HPSE2: variants seen among roughly 807,000 people sequenced by gnomAD.
The protein encoded by HPSE2 is inactive heparanase-2.
HPSE2 carries 38 observed loss-of-function variants against 60.5 expected under a neutral mutation model. The observed-to-expected ratio is 0.63, with a 90% confidence interval of 0.48 to 0.82. HPSE2 has a LOEUF of 0.82. Among genes scored for constraint, HPSE2 ranks in the 40% least tolerant of loss-of-function variants. HPSE2 has a pLI of 0.00. For missense variants in HPSE2, 713 were observed against 740.4 expected (o/e 0.96, Z 0.43); for synonymous variants, 295 against 293.2 (o/e 1.01, Z -0.06).
rs149407892 is a variant in HPSE2 at position 98,533,729 on chromosome 10, G to A, written c.1321-43533C>T. Among the ~76,000 whole-genome samples, 259 of 152,266 alleles carry A rather than the reference G, an allele frequency of 1.7e-3. 1 individual carries two copies. The highest frequency in any genetic ancestry group is 6.1e-3 in the African/African-American group (252 of 41,542). ...CTCACCCTAAGTAATGGATGGAGTT[G>A]GGAAGCTGTCCGGCAGACTTTGGTA... On this transcript the variant is annotated intron_variant, in intron 9 of 11. Coordinates refer to ENST00000370552, the MANE Select transcript of HPSE2 (RefSeq NM_021828.5).
At chr10:98,847,202 GTCCCC>G (rs922971668) in intron 3 of HPSE2, among the ~76,000 whole-genome samples, 1 of 152,188 alleles carries the variant, frequency 6.6e-6, no homozygotes, top group Admixed American at 6.5e-5. Flanking sequence ...TAGAGTCTAT[GTCCCC>G]TTGCCTTTCC....
chr10:98,509,060 A>G (rs1199369998), intron 9 of HPSE2, among the ~76,000 whole-genome samples: 1 of 152,222 alleles, frequency 6.6e-6, no homozygotes, highest in Non-Finnish European at 1.5e-5. Flanking sequence ...TCATGCCTGT[A>G]ATCCCAGCAC....
At chr10:98,525,212 T>C (rs1255673132) in intron 9 of HPSE2, among the ~76,000 whole-genome samples, 1 of 152,218 alleles carries the variant, frequency 6.6e-6, no homozygotes, top group East Asian at 1.9e-4. Flanking sequence ...GGTTTCACTA[T>C]GTTGCCCAGT....
At chr10:98,526,801 C>T (rs1223077494) in intron 9 of HPSE2, among the ~76,000 whole-genome samples, 1 of 152,116 alleles carries the variant, frequency 6.6e-6, no homozygotes, top group Non-Finnish European at 1.5e-5. Flanking sequence ...AGGACCAGGG[C>T]TCACTGGGGT....
intron 3 of HPSE2, among the ~76,000 whole-genome samples, chr10:98,926,752 T>C (rs186725055): frequency 4.0e-4 from 61 of 152,306 alleles, no homozygotes; most frequent in African/African-American, 1.4e-3. Flanking sequence ...TTAAAAGTTG[T>C]GATACATCTT....
In HPSE2 at chr10:98,943,791, G is replaced by C. The variant is rs549920834; in HGVS notation, c.611-199735C>G. On this transcript the variant is annotated intron_variant, in intron 3 of 11. Coordinates refer to ENST00000370552, the MANE Select transcript of HPSE2 (RefSeq NM_021828.5). ...GAGGACTGTTAAAAACCATGGGAAT[G>C]ATTTTCTAAATGTATCCTCCCCAAA... is the stretch of plus-strand genomic sequence containing the variant. 8.5e-4 allele frequency among the ~76,000 whole-genome samples: 130 copies of C among 152,218 alleles called. 2 individuals carry two copies. Among genetic ancestry groups the C allele is most frequent in the African/African-American group, 3.0e-3 (123 of 41,520 alleles).
intron 3 of HPSE2, among the ~76,000 whole-genome samples, chr10:99,043,703 C>T (rs931902663): frequency 6.6e-6 from 1 of 152,100 alleles, no homozygotes; most frequent in African/African-American, 2.4e-5. Flanking sequence ...GAAAAATTCA[C>T]TACAAGAATT....
At chr10:99,002,426 G>A (rs188546468) in intron 3 of HPSE2, among the ~76,000 whole-genome samples, 2 of 152,068 alleles carry the variant, frequency 1.3e-5, no homozygotes, top group Non-Finnish European at 2.9e-5. Context: ...AAACACTACC[G>A]CAGCCAGGTG....
chr10:98,907,004 T>C (rs1953841206), intron 3 of HPSE2, among the ~76,000 whole-genome samples: 1 of 152,210 alleles, frequency 6.6e-6, no homozygotes, highest in Non-Finnish European at 1.5e-5. Context: ...TTACTCTATG[T>C]TGGGAACTAG....
chr10:98,925,502 G>A (rs1429456733), intron 3 of HPSE2, among the ~76,000 whole-genome samples: 1 of 152,094 alleles, frequency 6.6e-6, no homozygotes, highest in Non-Finnish European at 1.5e-5. Context: ...TGCTGAGCAG[G>A]TGGGTAAGTT....
intron 11 of HPSE2, among the ~76,000 whole-genome samples, chr10:98,477,926 T>C (rs1330620776): frequency 6.6e-6 from 1 of 151,766 alleles, no homozygotes; most frequent in Non-Finnish European, 1.5e-5. Flanking sequence ...GGGATCTAGG[T>C]TGCACACTCC....
chr10:98,913,344 T>C (rs1360023425), intron 3 of HPSE2, among the ~76,000 whole-genome samples: 1 of 152,168 alleles, frequency 6.6e-6, no homozygotes, highest in African/African-American at 2.4e-5. Context: ...ATTGTACATA[T>C]TGAAAGTCAA....
chr10:99,016,569 T>G (rs572769120), intron 3 of HPSE2, among the ~76,000 whole-genome samples: 1 of 152,182 alleles, frequency 6.6e-6, no homozygotes, highest in Non-Finnish European at 1.5e-5. Context: ...CTGTGAACAA[T>G]GTCAATGGTA....
intron 3 of HPSE2, among the ~76,000 whole-genome samples, chr10:99,113,192 T>G (rs555046358): frequency 6.6e-6 from 1 of 152,208 alleles, no homozygotes; most frequent in Non-Finnish European, 1.5e-5. Context: ...AAGCATTCAA[T>G]AATATTAGCT....
At chr10:98,809,180 C>G (rs1951109183) in intron 3 of HPSE2, among the ~76,000 whole-genome samples, 1 of 152,020 alleles carries the variant, frequency 6.6e-6, no homozygotes, top group African/African-American at 2.4e-5. Context: ...TTGCATTTGT[C>G]TAGCAGAATT....
chr10:98,573,318 T>C (rs1012017861), intron 9 of HPSE2, among the ~76,000 whole-genome samples: 1 of 152,228 alleles, frequency 6.6e-6, no homozygotes, highest in Non-Finnish European at 1.5e-5. Context: ...CTTTCAGAGA[T>C]GCCTTTAATA....
chr10:99,064,721 C>T lies in HPSE2; in HGVS notation c.610+79517G>A, dbSNP rs545420229. ...AAGCATAATATTATTCTAAAATACA[C>T]CTTATCAACCAAAAAAAAAAAATTA... On this transcript the variant is annotated intron_variant, in intron 3 of 11. Coordinates refer to ENST00000370552, the MANE Select transcript of HPSE2 (RefSeq NM_021828.5). Among the ~76,000 whole-genome samples the T allele has an allele frequency of 4.1e-5, 6 of 147,462 alleles. No homozygotes were observed. In the South Asian group the frequency reaches 1.3e-3, roughly 32 times the overall value.
chr10:98,494,795 G>A (rs569515969), intron 9 of HPSE2, among the ~76,000 whole-genome samples: 8 of 152,168 alleles, frequency 5.3e-5, no homozygotes, highest in Admixed American at 4.6e-4. Flanking sequence ...AAAAATTGGA[G>A]TTACAAACCA....
chr10:99,078,769 G>A (rs1209254956), intron 3 of HPSE2, among the ~76,000 whole-genome samples: 4 of 151,954 alleles, frequency 2.6e-5, no homozygotes, highest in Non-Finnish European at 5.9e-5. Context: ...TATTTGTGAT[G>A]GTATCTGTGC....
Sources: gnomAD v4.1 joint callset for allele counts (sites outside exome capture counted in the v4.1 genomes callset) on GRCh38, gnomAD v4.1.1 for gene constraint, MANE v1.5 for transcripts, NCBI Gene and HGNC (gene_info 2026-07-23, HGNC 2026-07-21) for gene names.